PRKD1: variants seen among roughly 807,000 people sequenced by gnomAD.
The protein encoded by PRKD1 is protein kinase D1.
In PRKD1, 63 loss-of-function variants were observed where a neutral mutation model predicts 95.9. The ratio of observed to expected loss-of-function variants is 0.66; its 90% confidence interval spans 0.54 to 0.81. The LOEUF is 0.81. Ranked by LOEUF, PRKD1 falls within the 30% of genes least tolerant of loss-of-function variation. The pLI, the probability that PRKD1 is intolerant of heterozygous loss-of-function variation, is 0.00. For missense variants in PRKD1, 1,048 were observed against 1,165.3 expected (o/e 0.90, Z 1.47); for synonymous variants, 425 against 423.1 (o/e 1.00, Z -0.05).
chr14:29,707,658 C>T (rs911586651), intron 2 of PRKD1, among the ~76,000 whole-genome samples: 3 of 152,130 alleles, frequency 2.0e-5, no homozygotes, highest in African/African-American at 7.2e-5. Flanking sequence ...GAACTGCTAA[C>T]CATTTCCACC....
At chr14:29,903,827 A>C (rs997655422) in intron 1 of PRKD1, among the ~76,000 whole-genome samples, 1 of 152,176 alleles carries the variant, frequency 6.6e-6, no homozygotes, top group South Asian at 2.1e-4. Flanking sequence ...AATAAAGCCT[A>C]AGCTTGTACA....
At chr14:29,611,112 C>T (rs191408543) in intron 13 of PRKD1, among the ~76,000 whole-genome samples, 127 of 152,258 alleles carry the variant, frequency 8.3e-4, no homozygotes, top group African/African-American at 2.9e-3. Flanking sequence ...GAATATTCAA[C>T]ATCAAGAGTA....
At chr14:29,620,669 G>C (rs1051240055) in intron 13 of PRKD1, among the ~76,000 whole-genome samples, 5 of 151,906 alleles carry the variant, frequency 3.3e-5, no homozygotes, top group African/African-American at 1.2e-4. Flanking sequence ...TAAAAAGTCA[G>C]GAAACAACAG....
chr14:29,639,173 CTT>C (rs979316149), intron 4 of PRKD1, among the ~76,000 whole-genome samples: 3 of 151,724 alleles, frequency 2.0e-5, no homozygotes. Flanking sequence ...TAAGTTTTTG[CTT>C]TAAAAAAGTG....
intron 1 of PRKD1, among the ~76,000 whole-genome samples, chr14:29,883,872 C>T (rs1047501828): frequency 3.3e-5 from 5 of 152,158 alleles, no homozygotes; most frequent in African/African-American, 1.2e-4. Flanking sequence ...TCAGATGCAT[C>T]ACTGTCAGCA....
intron 1 of PRKD1, among the ~76,000 whole-genome samples, chr14:29,876,977 C>A (rs548433758): frequency 3.9e-4 from 60 of 152,092 alleles, no homozygotes; most frequent in African/African-American, 1.4e-3. Flanking sequence ...CATGGTGAAA[C>A]CCCGTGTCTA....
intron 2 of PRKD1, among the ~76,000 whole-genome samples, chr14:29,689,177 A>T (rs1235257516): frequency 6.6e-6 from 1 of 151,968 alleles, no homozygotes; most frequent in Non-Finnish European, 1.5e-5. Flanking sequence ...GTGAAAAGAC[A>T]ACCTACAGAA....
intron 2 of PRKD1, among the ~76,000 whole-genome samples, chr14:29,709,768 A>G (rs1216709768): frequency 2.0e-5 from 3 of 152,252 alleles, no homozygotes; most frequent in Admixed American, 1.3e-4. Flanking sequence ...CAGGCCTTCA[A>G]TTTATGGGAT....
intron 1 of PRKD1, among the ~76,000 whole-genome samples, chr14:29,801,845 C>T (rs1161273038): frequency 6.6e-6 from 1 of 152,188 alleles, no homozygotes; most frequent in Non-Finnish European, 1.5e-5. Context: ...TGCGCCAACA[C>T]ACCTGGCTAA....
chr14:29,914,114 T>A (rs1894811044), intron 1 of PRKD1, among the ~76,000 whole-genome samples: 1 of 152,240 alleles, frequency 6.6e-6, no homozygotes, highest in African/African-American at 2.4e-5. Context: ...GTGCTTTAGG[T>A]CAAGTCATCT....
intron 2 of PRKD1, among the ~76,000 whole-genome samples, chr14:29,676,513 C>T (rs1594418877): frequency 1.3e-5 from 2 of 152,230 alleles, no homozygotes; most frequent in African/African-American, 4.8e-5. Context: ...TGCCACCAAG[C>T]CCAGCTAATT....
intron 1 of PRKD1, among the ~76,000 whole-genome samples, chr14:29,776,494 G>T (rs191296746): frequency 6.6e-6 from 1 of 152,146 alleles, no homozygotes; most frequent in African/African-American, 2.4e-5. Flanking sequence ...ACTACGGGAC[G>T]CATGCACAAG....
chr14:29,751,162 T>G (rs1370859167), intron 1 of PRKD1: 1 of 152,210 alleles, frequency 6.6e-6, no homozygotes, highest in Non-Finnish European at 1.5e-5. Flanking sequence ...GGACACTGAC[T>G]CAACTTTTGA....
intron 2 of PRKD1, among the ~76,000 whole-genome samples, chr14:29,679,107 C>G (rs1883389525): frequency 6.6e-6 from 1 of 152,056 alleles, no homozygotes; most frequent in African/African-American, 2.4e-5. Flanking sequence ...CCATGTGCTT[C>G]ATTTATTTTG....
chr14:29,646,252 T>C (rs1224157388), intron 4 of PRKD1, among the ~76,000 whole-genome samples: 1 of 151,896 alleles, frequency 6.6e-6, no homozygotes, highest in East Asian at 1.9e-4. Context: ...GGGTGTGGGA[T>C]GGGGAGGAAG....
At chr14:29,914,531 C>T (rs569993001) in intron 1 of PRKD1, among the ~76,000 whole-genome samples, 48 of 152,216 alleles carry the variant, frequency 3.2e-4, no homozygotes, top group Non-Finnish European at 4.9e-4. Flanking sequence ...AAGGCGGGTT[C>T]GAGACCAGCC....
chr14:29,615,968 G>A lies in PRKD1; in HGVS notation c.1905+8184C>T, dbSNP rs535120169. On this transcript the variant is annotated intron_variant, in intron 13 of 17. Transcript: ENST00000331968. ...AGCAAAGTGGAGATGTCCTAAGGAT[G>A]GAAATGTGAGACTGAAGTGCCTGTG... Among the ~76,000 whole-genome samples, 4 of 152,178 alleles carry A rather than the reference G, an allele frequency of 2.6e-5. No individual in the cohort carries two copies. In the South Asian group the frequency reaches 8.3e-4, roughly 32 times the overall value.
chr14:29,824,654 C>A (rs551251211), intron 1 of PRKD1, among the ~76,000 whole-genome samples: 34 of 152,230 alleles, frequency 2.2e-4, no homozygotes, highest in African/African-American at 7.7e-4. Flanking sequence ...TGGCTGACAT[C>A]AACAGAATAT....
At chr14:29,644,125 T>C (rs1024788842) in intron 4 of PRKD1, among the ~76,000 whole-genome samples, 3 of 152,218 alleles carry the variant, frequency 2.0e-5, no homozygotes, top group African/African-American at 7.2e-5. Flanking sequence ...GACGTTTCAA[T>C]AGAAATATTT....
Sources: allele counts gnomAD v4.1 joint callset (sites outside exome capture counted in the v4.1 genomes callset), GRCh38; gene constraint gnomAD v4.1.1; transcripts MANE v1.5; gene names NCBI Gene and HGNC (gene_info 2026-07-23, HGNC 2026-07-21).